NPM1: variants seen among roughly 807,000 people sequenced by gnomAD.
NPM1 encodes nucleophosmin.
In NPM1, 1 loss-of-function variant was observed where a neutral mutation model predicts 44.1. The observed-to-expected ratio is 0.02, with a 90% confidence interval of 0.01 to 0.11. The LOEUF is 0.11. NPM1 is among the 10% of genes least tolerant of loss of function. The pLI, the probability that NPM1 is intolerant of heterozygous loss-of-function variation, is 1.00. For missense variants in NPM1, 197 were observed against 347.8 expected, an observed-to-expected ratio of 0.57 and a Z score of 3.45; for synonymous variants, 126 against 111.8, an observed-to-expected ratio of 1.13 and a Z score of -0.80.
chr5:171,397,495 T>C (rs1469856354), intron 6 of NPM1, among the ~76,000 whole-genome samples: 3 of 152,216 alleles, frequency 2.0e-5, no homozygotes, highest in Non-Finnish European at 4.4e-5. Context: ...TATGAAGTGC[T>C]GATTGTGGGT....
intron 1 of NPM1, 72 bp downstream of exon 1, chr5:171,388,078 G>GGGGGGGGGGC: frequency 1.6e-6 from 1 of 616,750 alleles, no homozygotes; most frequent in Non-Finnish European, 3.0e-6. Flanking sequence ...TGAGGGGCGG[G>GGGGGGGGGGC]AATCCGGCTG....
At chr5:171,393,633 T>G (rs1326881979) in intron 6 of NPM1, among the ~76,000 whole-genome samples, 1 of 152,082 alleles carries the variant, frequency 6.6e-6, no homozygotes, top group Non-Finnish European at 1.5e-5. Flanking sequence ...AATACTTTGA[T>G]TTGGCTCTCA....
chr5:171,391,702 C>A lies in NPM1; in HGVS notation c.259-4C>A. 6.2e-7 allele frequency: 1 copy of A among 1,602,062 alleles called. No individual in the cohort carries two copies. Among genetic ancestry groups the A allele is most frequent in the Non-Finnish European group, 8.5e-7 (1 of 1,170,954 alleles). On this transcript the variant is annotated splice_region_variant and splice_polypyrimidine_tract_variant and intron_variant, in intron 3 of 10. Transcript: ENST00000296930. ...TTTAGTGATGAAAAATTTCTCCCTT[C>A]TAGGTTTCCCTTGGGGGCTTTGAAA...
At chr5:171,396,967 CA>C (rs889849752) in intron 6 of NPM1, among the ~76,000 whole-genome samples, 4 of 150,094 alleles carry the variant, frequency 2.7e-5, no homozygotes, top group African/African-American at 9.8e-5. Context: ...GAGTAAAACT[CA>C]AAAAAAAATA....
chr5:171,392,171 C>T (rs1193876521), intron 4 of NPM1, among the ~76,000 whole-genome samples: 1 of 152,198 alleles, frequency 6.6e-6, no homozygotes. Context: ...AACTCCTGGC[C>T]TTAACGTGAT....
intron 9 of NPM1, chr5:171,407,416 ATGTT>A (rs1408752764): frequency 4.1e-5 from 16 of 389,142 alleles, no homozygotes; most frequent in Admixed American, 4.6e-5. Context: ...CCGAGTTGCC[ATGTT>A]TGTTTGTCGA....
At position 171,395,924 on chromosome 5, in the gene NPM1, T is replaced by C. The variant is rs180927128; in HGVS notation, c.524+2946T>C. ...GTTGATAGTATGTGGCCCTTAAATG[T>C]CTTTTTTAATTTTTGGGGAATTTCT... On this transcript the variant is annotated intron_variant, in intron 6 of 10. Transcript: ENST00000296930. 3.6e-3 allele frequency among the ~76,000 whole-genome samples: 542 copies of C among 152,116 alleles called. 2 individuals are homozygous for C. Among genetic ancestry groups the C allele is most frequent in the Middle Eastern group, 6.8e-3 (2 of 294 alleles).
chr5:171,400,648 A>G (rs1771148159), intron 7 of NPM1, 191 bp from the exon 8 acceptor site: 1 of 496,172 alleles, frequency 2.0e-6, no homozygotes, highest in South Asian at 2.4e-5. Flanking sequence ...GTAGACCACC[A>G]TGTCGGCCAG....
In NPM1 at chr5:171,387,889, G is replaced by A. The variant is rs551273843; in HGVS notation, c.-60G>A. The A allele has an allele frequency of 4.5e-5, 69 of 1,526,176 alleles. 1 individual carries two copies. The highest frequency in any genetic ancestry group is 2.9e-4 in the African/African-American group (21 of 73,164). The allele number at this position is 1,526,176 out of a possible 1,614,324, so 94.5% of individuals were successfully genotyped here. A position where few individuals can be genotyped will look rare whatever the true frequency, so the allele number is the denominator to read the frequency against. ...TTCCGTCCTGCGCGGTTGTTCTCTGGAGCAGCGTTCTTTTATCTCCGTCCG... is the reference window on the plus strand; with the variant it reads ...TTCCGTCCTGCGCGGTTGTTCTCTGAAGCAGCGTTCTTTTATCTCCGTCCG... On this transcript the variant is annotated 5_prime_UTR_variant, in exon 1 of 11. Coordinates refer to ENST00000296930, the MANE Select transcript of NPM1 (RefSeq NM_002520.7).
At chr5:171,396,639 AAT>A (rs1319145102) in intron 6 of NPM1, among the ~76,000 whole-genome samples, 4 of 152,206 alleles carry the variant, frequency 2.6e-5, no homozygotes, top group African/African-American at 7.2e-5. Flanking sequence ...GGTATTTGCT[AAT>A]AGAGACTTCT....
chr5:171,400,422 T>C (rs944598374), intron 7 of NPM1, among the ~76,000 whole-genome samples: 1 of 151,868 alleles, frequency 6.6e-6, no homozygotes, highest in Non-Finnish European at 1.5e-5. Flanking sequence ...GTTAGTCTTG[T>C]GTAACCTTTT....
intron 6 of NPM1, among the ~76,000 whole-genome samples, chr5:171,397,503 G>A (rs563319773): frequency 1.8e-4 from 28 of 152,212 alleles, no homozygotes. Flanking sequence ...GCTGATTGTG[G>A]GTTTGATTGC....
At chr5:171,387,812 C>G, upstream of NPM1, 2 of 788,958 alleles carry the variant, frequency 2.5e-6, no homozygotes, top group Non-Finnish European at 4.2e-6. Flanking sequence ...CTCGCGAGAT[C>G]TTCAGGGTCT....
chr5:171,394,356 T>C (rs1176235960), intron 6 of NPM1, among the ~76,000 whole-genome samples: 1 of 152,126 alleles, frequency 6.6e-6, no homozygotes, highest in Non-Finnish European at 1.5e-5. Flanking sequence ...GTATTTTTAA[T>C]AGACATGGGG....
Position 171,404,938 on chromosome 5 carries a change from CT to C in NPM1, c.670-353del, listed in dbSNP as rs549282227. The stretch of plus-strand genomic sequence containing the variant: ...CATAAAAGCAAACTCCCAAGTTACT[CT>C]TTTTTTTTTTATTTAAAGAGATGGG... On this transcript the variant is annotated intron_variant, in intron 8 of 10. Coordinates refer to ENST00000296930, the MANE Select transcript of NPM1 (RefSeq NM_002520.7). Among the ~76,000 whole-genome samples the C allele has an allele frequency of 3.0e-3, 437 of 147,812 alleles. 4 individuals carry two copies. Among genetic ancestry groups the C allele is most frequent in the South Asian group, 0.025 (118 of 4,666 alleles).
rs1771794545 is a variant in NPM1, at chr5:171,410,869, G to A, written c.*304G>A. On this transcript the variant is annotated 3_prime_UTR_variant, in exon 11 of 11. Transcript: ENST00000296930. ...AAATATACATGTGAAATAAAACTCAGTATTTTAATAAAGTAGCACGGTTTC... is the reference window on the plus strand; with the variant it reads ...AAATATACATGTGAAATAAAACTCAATATTTTAATAAAGTAGCACGGTTTC... 4 of 279,720 alleles carry A rather than the reference G, an allele frequency of 1.4e-5. No homozygotes were observed. The South Asian group carries it at 5.3e-4, about 37-fold the overall frequency. 17.3% of individuals were successfully genotyped at this position (279,720 alleles called of 1,614,324 possible). A position where few individuals can be genotyped will look rare whatever the true frequency, so the allele number is the denominator to read the frequency against.
intron 8 of NPM1, among the ~76,000 whole-genome samples, chr5:171,404,974 C>T (rs962690135): frequency 6.6e-6 from 1 of 151,958 alleles, no homozygotes. Context: ...GTGGCCTACT[C>T]TTGCCCAGGT....
intron 8 of NPM1, among the ~76,000 whole-genome samples, chr5:171,405,078 C>T (rs1243751393): frequency 1.3e-5 from 2 of 152,134 alleles, no homozygotes; most frequent in Admixed American, 1.3e-4. Flanking sequence ...GCTGGGATTA[C>T]AGGCATGCAC....
intron 6 of NPM1, among the ~76,000 whole-genome samples, 157 bp downstream of exon 6, chr5:171,393,135 G>GT (rs1426194224): frequency 6.6e-6 from 1 of 152,240 alleles, no homozygotes; most frequent in Non-Finnish European, 1.5e-5. Flanking sequence ...TCTGTTGTCA[G>GT]TTTAAGTTAA....
Sources: gnomAD v4.1 joint callset for allele counts (sites outside exome capture counted in the v4.1 genomes callset) on GRCh38, gnomAD v4.1.1 for gene constraint, MANE v1.5 for transcripts, NCBI Gene and HGNC (gene_info 2026-07-23, HGNC 2026-07-21) for gene names.